The following OLAH variants were observed in gnomAD, a reference collection of about 807,000 sequenced individuals.
OLAH encodes S-acyl fatty acid synthase thioesterase, medium chain.
OLAH carries 33 observed loss-of-function variants against 27.8 expected under a neutral mutation model. The ratio of observed to expected loss-of-function variants is 1.19; its 90% CI spans 0.90 to 1.59. The LOEUF (loss-of-function observed/expected upper bound fraction) is 1.59. OLAH is among the 40% of genes most tolerant of loss of function. The pLI is 0.00. For synonymous variants in OLAH, 120 were observed against 102.9 expected (o/e 1.17, Z -1.01); for missense variants, 359 against 310.8 (o/e 1.16, Z -1.17).
rs780515707 is a variant in OLAH, at chr10:15,064,385, T to C, written c.303-18T>C. ...TTTGCTTAACAGTTCTTGTCATGTT[T>C]TTCTTTGCTGAATTTAGTATGGGAT... On this transcript the variant is annotated intron_variant, in intron 4 of 7. Transcript: ENST00000378228. 1.7e-5 allele frequency: 25 copies of C among 1,502,112 alleles called. No homozygotes were observed. The highest frequency in any genetic ancestry group is 2.1e-5 in the Non-Finnish European group (23 of 1,089,502). The allele number at this position is 1,502,112 out of a possible 1,614,324, so 93.0% of individuals were successfully genotyped here.
chr10:15,058,220 G>T (rs756745262), intron 3 of OLAH, among the ~76,000 whole-genome samples: 45 of 152,074 alleles, frequency 3.0e-4, no homozygotes, highest in Non-Finnish European at 5.4e-4. Context: ...TTGAGTAGCT[G>T]GGACTATAGG....
intron 1 of OLAH, among the ~76,000 whole-genome samples, chr10:15,037,426 C>G (rs1843858023): frequency 1.3e-5 from 2 of 151,874 alleles, no homozygotes; most frequent in Admixed American, 1.3e-4. Context: ...ACTAAAAATA[C>G]AAAAATTAGC....
At position 15,073,139 on chromosome 10, in the gene OLAH, T is replaced by A. The variant is rs1460702205; in HGVS notation, c.708T>A (p.Gly236=). 1.2e-6 allele frequency: 2 copies of A among 1,612,784 alleles called. No homozygotes were observed. The highest frequency in any genetic ancestry group is 1.7e-6 in the Non-Finnish European group (2 of 1,179,030). ...CTAAAATTTACCAGCTTCCAGGGGG[T>A]CACTTTTATCTTCTGGATCCTGCGA... ...GNAKIYQLPG[G]HFYLLDPANE... is the part of the protein sequence containing the mutation. Residue 236 remains glycine, a synonymous_variant, in exon 8 of 8, where the codon GGT becomes GGA. Transcript: ENST00000378228.
intron 3 of OLAH, among the ~76,000 whole-genome samples, chr10:15,052,344 G>A (rs1844160943): frequency 6.6e-6 from 1 of 152,164 alleles, no homozygotes; most frequent in Non-Finnish European, 1.5e-5. Context: ...GTTGTTTGCT[G>A]TTTTAGTAGA....
At chr10:15,064,617 G>A (rs1844431263) in intron 5 of OLAH, 115 bp downstream of exon 5, 1 of 612,856 alleles carries the variant, frequency 1.6e-6, no homozygotes, top group Non-Finnish European at 2.8e-6. Flanking sequence ...GATGATGGTG[G>A]GGATACTAAT....
At chr10:15,068,310 G>A (rs1468020289) in intron 6 of OLAH, among the ~76,000 whole-genome samples, 1 of 152,088 alleles carries the variant, frequency 6.6e-6, no homozygotes, top group Non-Finnish European at 1.5e-5. Flanking sequence ...CAACATCTGG[G>A]TCTTATCTGT....
upstream of OLAH, among the ~76,000 whole-genome samples, chr10:15,041,349 G>A (rs1843917349): frequency 1.3e-5 from 2 of 151,556 alleles, no homozygotes; most frequent in Non-Finnish European, 2.9e-5. Context: ...TGCGATCTTG[G>A]CTCACTGCAA....
At chr10:15,037,311 TG>T (rs1843855433) in intron 1 of OLAH, among the ~76,000 whole-genome samples, 1 of 152,168 alleles carries the variant, frequency 6.6e-6, no homozygotes, top group Non-Finnish European at 1.5e-5. Context: ...CCGGCTGCAG[TG>T]GCTCACGCCT....
chr10:15,053,637 C>T (rs914065623), intron 3 of OLAH, among the ~76,000 whole-genome samples: 1 of 152,152 alleles, frequency 6.6e-6, no homozygotes, highest in African/African-American at 2.4e-5. Context: ...AAACAGGGCA[C>T]TTGATCTCTC....
At chr10:15,061,229 C>G (rs1844356041) in intron 3 of OLAH, among the ~76,000 whole-genome samples, 1 of 152,146 alleles carries the variant, frequency 6.6e-6, no homozygotes. Context: ...CTTCTTTTCT[C>G]CTTTGCCATT....
At chr10:15,057,138 C>T (rs1468832284) in intron 3 of OLAH, among the ~76,000 whole-genome samples, 1 of 152,060 alleles carries the variant, frequency 6.6e-6, no homozygotes, top group Admixed American at 6.6e-5. Context: ...TAAAAGCAAG[C>T]CTAACCTAAC....
intron 1 of OLAH, among the ~76,000 whole-genome samples, chr10:15,034,101 CAT>C (rs1491491286): frequency 0.059 from 8,277 of 139,304 alleles, 234 homozygotes; most frequent in Middle Eastern, 0.15. Flanking sequence ...CAGACTCCAC[CAT>C]TTTTTTTTTT....
At chr10:15,055,060 G>T (rs1784812946) in intron 3 of OLAH, among the ~76,000 whole-genome samples, 1 of 152,068 alleles carries the variant, frequency 6.6e-6, no homozygotes, top group South Asian at 2.1e-4. Context: ...TGCCTCCAGG[G>T]TTCAAGTGAT....
intron 3 of OLAH, 93 bp from the exon 4 acceptor site, chr10:15,061,631 A>AT (rs1564532492): frequency 2.4e-6 from 3 of 1,244,842 alleles, no homozygotes; most frequent in Admixed American, 5.8e-5. Context: ...TTTCTTTGAA[A>AT]TTTTTTCCAT....
chr10:15,073,297 C>T lies in OLAH; in HGVS notation c.*68C>T, dbSNP rs1564537360. 1.3e-5 allele frequency: 14 copies of T among 1,059,970 alleles called. No individual in the cohort carries two copies. The highest frequency in any genetic ancestry group is 1.9e-5 in the Non-Finnish European group (14 of 723,848). The allele number at this position is 1,059,970 out of a possible 1,614,324, so 65.7% of individuals were successfully genotyped here. ...ACTCTTCTCAGTTATTCAGATATAGCTCAGTTTTATTCAGATTGGAAATTA... is the reference window on the plus strand; with the variant it reads ...ACTCTTCTCAGTTATTCAGATATAGTTCAGTTTTATTCAGATTGGAAATTA... On this transcript the variant is annotated 3_prime_UTR_variant, in exon 8 of 8. Transcript: ENST00000378228.
At chr10:15,059,104 T>C (rs187678183) in intron 3 of OLAH, among the ~76,000 whole-genome samples, 4,473 of 14,662 alleles carry the variant, frequency 0.31, 751 homozygotes, top group East Asian at 0.55. Flanking sequence ...TCCCTCCCTC[T>C]CTCCTTCCCT....
intron 3 of OLAH, among the ~76,000 whole-genome samples, chr10:15,051,437 A>G (rs906379481): frequency 7.9e-5 from 12 of 152,334 alleles, no homozygotes; most frequent in African/African-American, 2.6e-4. Context: ...GGGATTAGCC[A>G]TCTGATCTAA....
intron 3 of OLAH, among the ~76,000 whole-genome samples, chr10:15,059,035 T>A (rs1844305848): frequency 9.6e-6 from 1 of 104,366 alleles, no homozygotes; most frequent in Admixed American, 9.9e-5. Flanking sequence ...TTCCCTTCCT[T>A]CCCTCTCTCC....
chr10:15,040,773 C>A (rs572072543), upstream of OLAH, among the ~76,000 whole-genome samples: 22 of 152,266 alleles, frequency 1.4e-4, no homozygotes, highest in South Asian at 4.1e-3. Flanking sequence ...ACCACCAAAG[C>A]CTCCATACTC....
Sources: allele counts gnomAD v4.1 joint callset (sites outside exome capture counted in the v4.1 genomes callset), GRCh38; gene constraint gnomAD v4.1.1; transcripts MANE v1.5; gene names NCBI Gene and HGNC (gene_info 2026-07-23, HGNC 2026-07-21).